KIF23: variants seen among roughly 807,000 people sequenced by gnomAD.
KIF23 encodes kinesin-like protein KIF23.
KIF23 carries 30 observed loss-of-function variants against 137.5 expected under a neutral mutation model. The ratio of observed to expected loss-of-function variants is 0.22; its 90% CI spans 0.16 to 0.30. The LOEUF (loss-of-function observed/expected upper bound fraction) is 0.30, where lower values mean the gene tolerates loss of function less well. Among genes scored for constraint, KIF23 ranks in the 10% least tolerant of loss-of-function variants. KIF23 has a pLI of 1.00. For missense variants in KIF23, 920 were observed against 1,194.3 expected (o/e 0.77, Z 3.38); for synonymous variants, 367 against 391.1 (o/e 0.94, Z 0.73).
intron 11 of KIF23, chr15:69,434,331 T>A (rs185676460): frequency 6.2e-4 from 120 of 193,358 alleles, no homozygotes; most frequent in Admixed American, 3.0e-3. Context: ...AGAATCCATC[T>A]TCTTTGAGTT....
intron 11 of KIF23, chr15:69,434,652 A>G (rs576613733): frequency 1.0e-4 from 147 of 1,470,074 alleles, no homozygotes; most frequent in Middle Eastern, 3.5e-4. Flanking sequence ...GTCATGGAGG[A>G]TGTCTCACCC....
intron 11 of KIF23, chr15:69,434,807 C>T (rs1485803818): frequency 2.0e-6 from 2 of 1,010,440 alleles, no homozygotes; most frequent in South Asian, 1.4e-5. Flanking sequence ...TCTTCTTGCA[C>T]TCATCCTGCA....
Position 69,422,338 on chromosome 15 carries a change from A to G in KIF23, c.466A>G (p.Asn156Asp). 2 of 1,582,936 alleles carry G rather than the reference A, an allele frequency of 1.3e-6. No homozygotes were observed. The highest frequency in any genetic ancestry group is 1.4e-5 in the African/African-American group (1 of 73,424). Residue 156 changes from asparagine to aspartate, a missense_variant, in exon 6 of 24, where the codon AAT becomes GAT. Transcript: ENST00000679126. ...GCCCCCACTTCAGGTTTTCAAATCT[A>G]ATGATAGGAATAGTATGGATATACA... ...FQAKRYVFKS[N>D]DRNSMDIQCE...
intron 11 of KIF23, 117 bp from the exon 12 acceptor site, chr15:69,435,366 T>C: frequency 1.3e-6 from 1 of 757,246 alleles, no homozygotes. Context: ...CAAAAATTTG[T>C]TATTTATAAT....
chr15:69,426,067 T>C lies in KIF23; in HGVS notation c.777-3T>C, dbSNP rs2057181796. ...AGACTAATCTTTTTTTTCTTTCCCA[T>C]AGACCTCCACAATCTAAATTGCTTC... On this transcript the variant is annotated splice_region_variant and splice_polypyrimidine_tract_variant and intron_variant, in intron 8 of 23. Transcript: ENST00000679126. 8 of 1,560,016 alleles carry C rather than the reference T, an allele frequency of 5.1e-6. No individual in the cohort carries two copies. The East Asian group carries it at 1.8e-4, about 36-fold the overall frequency.
At chr15:69,428,111 G>T (rs2057250862) in intron 10 of KIF23, among the ~76,000 whole-genome samples, 1 of 152,058 alleles carries the variant, frequency 6.6e-6, no homozygotes, top group South Asian at 2.1e-4. Context: ...ACAAAAATTA[G>T]CAGGGCATAG....
chr15:69,443,481 GGCAT>G (rs2057674715), intron 19 of KIF23: 1 of 151,638 alleles, frequency 6.6e-6, no homozygotes, highest in African/African-American at 2.4e-5. Context: ...TGGGACCACA[GGCAT>G]GTGCTATCGC....
intron 19 of KIF23, among the ~76,000 whole-genome samples, chr15:69,443,320 T>G (rs1167698066): frequency 1.4e-5 from 2 of 147,950 alleles, no homozygotes; most frequent in African/African-American, 5.0e-5. Flanking sequence ...CAGTTTTGTT[T>G]TTTGGGTTTT....
intron 10 of KIF23, 155 bp downstream of exon 10, chr15:69,426,612 T>C: frequency 1.4e-6 from 1 of 719,290 alleles, no homozygotes; most frequent in South Asian, 1.8e-5. Flanking sequence ...TCCCAGCTAC[T>C]TGTGTACCTG....
intron 10 of KIF23, among the ~76,000 whole-genome samples, chr15:69,427,153 T>TA (rs939185263): frequency 6.6e-6 from 1 of 151,812 alleles, no homozygotes; most frequent in African/African-American, 2.4e-5. Context: ...AATAAAAAAA[T>TA]AAAAAAATAG....
chr15:69,431,450 A>G (rs975825460), intron 11 of KIF23, among the ~76,000 whole-genome samples: 1 of 152,140 alleles, frequency 6.6e-6, no homozygotes, highest in African/African-American at 2.4e-5. Flanking sequence ...CATCTCTACT[A>G]AAAATACAAA....
chr15:69,435,541 C>T lies in KIF23; in HGVS notation c.1173C>T (p.Asn391=). The T allele has an allele frequency of 1.2e-6, 2 of 1,614,018 alleles. No individual in the cohort carries two copies. Among genetic ancestry groups the T allele is most frequent in the Non-Finnish European group, 1.7e-6 (2 of 1,179,964 alleles). ...LRTCMDVLRE[N]QMYGTNKMVP... The stretch of plus-strand genomic sequence containing the variant: ...CATGTATGGATGTCCTAAGAGAGAA[C>T]CAAATGTATGGAACTAACAAGGTAA... The change falls in exon 12 of 24, where the codon AAC becomes AAT. Residue 391 remains asparagine (N), a synonymous_variant. Coordinates refer to ENST00000679126, the MANE Select transcript of KIF23 (RefSeq NM_001367805.3).
At position 69,436,741 on chromosome 15, in the gene KIF23, GAAA is replaced by G; in HGVS notation, c.1597+20_1597+22del. ...AAACAATGTAAGGGCAAAACTATTT[GAAA>G]TAATTTTATTTAATTATTTTTTTTT... is the stretch of plus-strand genomic sequence containing the variant. On this transcript the variant is annotated intron_variant, in intron 15 of 23. Coordinates refer to ENST00000679126, the MANE Select transcript of KIF23 (RefSeq NM_001367805.3). 2.1e-6 allele frequency: 3 copies of G among 1,415,862 alleles called. No homozygotes were observed. The highest frequency in any genetic ancestry group is 2.8e-6 in the Non-Finnish European group (3 of 1,061,568). 87.7% of individuals were successfully genotyped at this position (1,415,862 alleles called of 1,614,324 possible). A position where few individuals can be genotyped will look rare whatever the true frequency, so the allele number is the denominator to read the frequency against.
At chr15:69,414,589 A>T (rs2056841226) in intron 1 of KIF23, 113 bp downstream of exon 1, 2 of 1,182,058 alleles carry the variant, frequency 1.7e-6, no homozygotes, top group Non-Finnish European at 2.2e-6. Flanking sequence ...CGCGGACAGC[A>T]TCCCGCCCGG....
intron 6 of KIF23, 125 bp downstream of exon 6, chr15:69,422,560 G>A: frequency 1.6e-6 from 1 of 634,998 alleles, no homozygotes; most frequent in East Asian, 2.7e-5. Flanking sequence ...TTAAAGTTAA[G>A]GAATGTTCTT....
chr15:69,442,194 A>G (rs1482248006), intron 19 of KIF23, among the ~76,000 whole-genome samples: 1 of 152,076 alleles, frequency 6.6e-6, no homozygotes, highest in African/African-American at 2.4e-5. Flanking sequence ...GACTATTTTC[A>G]TTGAAGAGTT....
intron 2 of KIF23, 129 bp from the exon 3 acceptor site, chr15:69,417,254 C>A: frequency 1.3e-6 from 1 of 794,560 alleles, no homozygotes; most frequent in Non-Finnish European, 1.9e-6. Context: ...TTTCTTAGCC[C>A]TTGGAGATAC....
chr15:69,414,635 C>T, intron 1 of KIF23, 159 bp downstream of exon 1: 1 of 740,112 alleles, frequency 1.4e-6, no homozygotes, highest in South Asian at 3.8e-5. Flanking sequence ...TGGGAACCTC[C>T]ACGTGTGGCC....
intron 3 of KIF23, 74 bp downstream of exon 3, chr15:69,417,585 A>G (rs1325999796): frequency 1.4e-6 from 2 of 1,469,574 alleles, no homozygotes; most frequent in East Asian, 2.4e-5. Context: ...TTTTAGATGT[A>G]ACAAAGTTCA....
Sources: allele counts gnomAD v4.1 joint callset (sites outside exome capture counted in the v4.1 genomes callset), GRCh38; gene constraint gnomAD v4.1.1; transcripts MANE v1.5; gene names NCBI Gene and HGNC (gene_info 2026-07-23, HGNC 2026-07-21).